Variants in LHFPL3 observed in about 807,000 individuals in gnomAD.
LHFPL3 encodes LHFPL tetraspan subfamily member 3 protein.
LHFPL3 carries 5 observed loss-of-function variants against 19.3 expected under a neutral mutation model. The observed-to-expected ratio is 0.26, with a 90% CI of 0.14 to 0.54. LHFPL3 has a LOEUF of 0.54. Ranked by LOEUF, LHFPL3 falls within the 20% of genes least tolerant of loss-of-function variation. LHFPL3 has a pLI of 0.94. For synonymous variants in LHFPL3, 133 were observed against 126.2 expected (o/e 1.05, Z -0.36); for missense variants, 249 against 307.4 (o/e 0.81, Z 1.42).
At chr7:104,770,158 A>G (rs536759812) in intron 2 of LHFPL3, among the ~76,000 whole-genome samples, 26 of 152,282 alleles carry the variant, frequency 1.7e-4, no homozygotes, top group East Asian at 1.2e-3. Flanking sequence ...TTACAGAGTT[A>G]TCAAGGAAGG....
intron 1 of LHFPL3, among the ~76,000 whole-genome samples, chr7:104,331,260 T>C (rs1801562509): frequency 6.6e-6 from 1 of 152,262 alleles, no homozygotes; most frequent in African/African-American, 2.4e-5. Context: ...TCTCAGGCAT[T>C]TGACATCAAT....
intron 1 of LHFPL3, among the ~76,000 whole-genome samples, chr7:104,510,007 A>T (rs891409286): frequency 6.6e-6 from 1 of 152,170 alleles, no homozygotes; most frequent in African/African-American, 2.4e-5. Flanking sequence ...AGAATAAAAA[A>T]TATGAGATAC....
intron 1 of LHFPL3, among the ~76,000 whole-genome samples, chr7:104,627,479 G>A (rs894633070): frequency 1.3e-5 from 2 of 152,002 alleles, no homozygotes; most frequent in Non-Finnish European, 2.9e-5. Context: ...ATTCTAACAG[G>A]CTTTGACAGT....
chr7:104,483,757 A>C (rs1392761990), intron 1 of LHFPL3, among the ~76,000 whole-genome samples: 1 of 152,176 alleles, frequency 6.6e-6, no homozygotes, highest in Non-Finnish European at 1.5e-5. Context: ...CTGGGACTAC[A>C]GATGTGCACC....
intron 2 of LHFPL3, among the ~76,000 whole-genome samples, chr7:104,869,536 A>G (rs1228251341): frequency 6.6e-6 from 1 of 152,056 alleles, no homozygotes; most frequent in Non-Finnish European, 1.5e-5. Flanking sequence ...CAAAACCACA[A>G]TGAGATACCA....
At chr7:104,556,891 T>A (rs1431478195) in intron 1 of LHFPL3, among the ~76,000 whole-genome samples, 1 of 152,192 alleles carries the variant, frequency 6.6e-6, no homozygotes, top group Non-Finnish European at 1.5e-5. Flanking sequence ...AAATCATCTT[T>A]CTCAAGTTCA....
chr7:104,682,755 C>T (rs1387839426), intron 1 of LHFPL3, among the ~76,000 whole-genome samples: 1 of 152,148 alleles, frequency 6.6e-6, no homozygotes, highest in African/African-American at 2.4e-5. Context: ...AGGATTTGAT[C>T]GTGTCATGTG....
chr7:104,430,412 A>ATG (rs1791957447), intron 1 of LHFPL3, among the ~76,000 whole-genome samples: 1 of 27,600 alleles, frequency 3.6e-5, no homozygotes, highest in African/African-American at 2.4e-4. Context: ...ATACATATAT[A>ATG]TATATACATA....
At chr7:104,723,647 G>T (rs111244076) in intron 1 of LHFPL3, among the ~76,000 whole-genome samples, 1 of 144,930 alleles carries the variant, frequency 6.9e-6, no homozygotes, top group African/African-American at 2.5e-5. Context: ...GCTTGAACCC[G>T]CGAGGTAGAG....
At chr7:104,596,857 A>G (rs992410177) in intron 1 of LHFPL3, among the ~76,000 whole-genome samples, 3 of 152,204 alleles carry the variant, frequency 2.0e-5, no homozygotes, top group East Asian at 3.8e-4. Flanking sequence ...ATCTGTTTAC[A>G]TGTTTGTTCT....
At chr7:104,444,105 C>G (rs1343724807) in intron 1 of LHFPL3, among the ~76,000 whole-genome samples, 1 of 152,176 alleles carries the variant, frequency 6.6e-6, no homozygotes, top group Non-Finnish European at 1.5e-5. Context: ...AAATTGGAAT[C>G]TTTTAGTGAG....
chr7:104,803,249 C>T (rs1790289425), intron 2 of LHFPL3, among the ~76,000 whole-genome samples: 2 of 152,176 alleles, frequency 1.3e-5, no homozygotes, highest in African/African-American at 4.8e-5. Context: ...CCCTTTTGTT[C>T]CCTTTACACT....
chr7:104,770,414 A>G (rs1794531128), intron 2 of LHFPL3, among the ~76,000 whole-genome samples: 2 of 152,362 alleles, frequency 1.3e-5, no homozygotes, highest in South Asian at 2.1e-4. Context: ...CATGGTCTCA[A>G]TAAAGAGAAG....
chr7:104,571,202 T>C (rs530803956), intron 1 of LHFPL3, among the ~76,000 whole-genome samples: 18 of 152,296 alleles, frequency 1.2e-4, no homozygotes, highest in Middle Eastern at 3.4e-3. Flanking sequence ...TACTTCTCAT[T>C]TTTACATGAT....
chr7:104,460,623 GA>G (rs1792643047), intron 1 of LHFPL3, among the ~76,000 whole-genome samples: 1 of 151,992 alleles, frequency 6.6e-6, no homozygotes, highest in South Asian at 2.1e-4. Flanking sequence ...TTTTTAATAT[GA>G]TTGTTGCCCA....
intron 2 of LHFPL3, among the ~76,000 whole-genome samples, chr7:104,783,889 G>A (rs987016847): frequency 6.6e-6 from 1 of 152,208 alleles, no homozygotes; most frequent in Non-Finnish European, 1.5e-5. Flanking sequence ...TCATGCAACT[G>A]TGAAATCTAA....
chr7:104,877,283 A>T (rs1791965809), intron 2 of LHFPL3, among the ~76,000 whole-genome samples: 1 of 152,140 alleles, frequency 6.6e-6, no homozygotes, highest in Non-Finnish European at 1.5e-5. Flanking sequence ...TAATAAAAAA[A>T]AAATTGAGGA....
chr7:104,730,844 G>A (rs9719110), intron 1 of LHFPL3, among the ~76,000 whole-genome samples: 46,449 of 152,008 alleles, frequency 0.31, 7,897 homozygotes, highest in East Asian at 0.67. Flanking sequence ...GAATTGTATC[G>A]CCTAGGTTTT....
chr7:104,461,175 G>A lies in LHFPL3; in HGVS notation c.445+131951G>A, dbSNP rs117314793. Reference sequence around the variant, plus strand: ...CATGCTGGCAGGAGAGAGAATGAGAGTGGAGTCAAGGGGAAGCCCCGTATA... The same window carrying A: ...CATGCTGGCAGGAGAGAGAATGAGAATGGAGTCAAGGGGAAGCCCCGTATA... On this transcript the variant is annotated intron_variant, in intron 1 of 2. Transcript: ENST00000424859. Among the ~76,000 whole-genome samples the A allele has an allele frequency of 3.4e-3, 518 of 152,326 alleles. 3 individuals are homozygous for A. The highest frequency in any genetic ancestry group is 5.9e-3 in the Non-Finnish European group (403 of 68,022).
Sources: allele counts gnomAD v4.1 joint callset (sites outside exome capture counted in the v4.1 genomes callset), GRCh38; gene constraint gnomAD v4.1.1; transcripts MANE v1.5; gene names NCBI Gene and HGNC (gene_info 2026-07-23, HGNC 2026-07-21).